CSNK1G2: variants seen among roughly 807,000 people sequenced by gnomAD.
CSNK1G2 encodes casein kinase I isoform gamma-2.
CSNK1G2 carries 11 observed loss-of-function variants against 48.0 expected under a neutral mutation model. The observed-to-expected ratio is 0.23, with a 90% CI of 0.14 to 0.38. The LOEUF (loss-of-function observed/expected upper bound fraction) is 0.38. Ranked by LOEUF, CSNK1G2 falls within the 10% of genes least tolerant of loss-of-function variation. The pLI, the probability that CSNK1G2 is intolerant of heterozygous loss-of-function variation, is 1.00. For synonymous variants in CSNK1G2, 337 were observed against 254.1 expected, an observed-to-expected ratio of 1.33 and a Z score of -3.10; for missense variants, 446 against 595.5, an observed-to-expected ratio of 0.75 and a Z score of 2.61.
At chr19:1,946,145 A>G (rs1485346123) in intron 1 of CSNK1G2, among the ~76,000 whole-genome samples, 1 of 152,044 alleles carries the variant, frequency 6.6e-6, no homozygotes, top group African/African-American at 2.4e-5. Context: ...AGGGGGAGCT[A>G]GCTGCCTCAC....
At chr19:1,959,471 A>C (rs987568221) in intron 1 of CSNK1G2, among the ~76,000 whole-genome samples, 2 of 148,272 alleles carry the variant, frequency 1.3e-5, no homozygotes, top group Admixed American at 6.7e-5. Flanking sequence ...AGCCCCCAGC[A>C]CCCGCCCCAC....
intron 2 of CSNK1G2, chr19:1,975,444 A>G: frequency 1.0e-6 from 1 of 985,472 alleles, no homozygotes; most frequent in Non-Finnish European, 1.2e-6. Context: ...TCCGCTCTGG[A>G]GAGTCAGAAC....
At chr19:1,965,093 A>T (rs2015323047) in intron 1 of CSNK1G2, among the ~76,000 whole-genome samples, 1 of 148,436 alleles carries the variant, frequency 6.7e-6, no homozygotes, top group African/African-American at 2.5e-5. Context: ...TCCCTAGTGG[A>T]GACGTACACG....
chr19:1,959,906 C>G (rs56224852), intron 1 of CSNK1G2, among the ~76,000 whole-genome samples: 32,381 of 112,430 alleles, frequency 0.29, 7,565 homozygotes, highest in East Asian at 0.45. Context: ...TTAGTGCCAC[C>G]CTGGGTCCCC....
Position 1,980,588 on chromosome 19 carries a change from G to T in CSNK1G2, c.*385G>T. On this transcript the variant is annotated 3_prime_UTR_variant, in exon 12 of 12. Coordinates refer to ENST00000255641, the MANE Select transcript of CSNK1G2 (RefSeq NM_001319.7). ...TGGCCCCGCCCCGCCAGCCGCCCCCGTTAGCGTCATAAAGTCCAGCTTGTC... is the reference window on the plus strand; with the variant it reads ...TGGCCCCGCCCCGCCAGCCGCCCCCTTTAGCGTCATAAAGTCCAGCTTGTC... 1 of 284,632 alleles carries T rather than the reference G, an allele frequency of 3.5e-6. No homozygotes were observed. Among genetic ancestry groups the T allele is most frequent in the Non-Finnish European group, 6.8e-6 (1 of 147,438 alleles). 17.6% of individuals were successfully genotyped at this position (284,632 alleles called of 1,614,324 possible).
In CSNK1G2 at chr19:1,978,603, G is replaced by A. The variant is rs1366671165; in HGVS notation, c.300G>A (p.Glu100=). 3.1e-6 allele frequency: 5 copies of A among 1,594,448 alleles called. No individual in the cohort carries two copies. Among genetic ancestry groups the A allele is most frequent in the Non-Finnish European group, 4.3e-6 (5 of 1,171,202 alleles). ...CCGTGCGTCTGTCCTCCGCCGCAGA[G>A]GGCGTCCCTCAGGTCTACTACTTCG... The part of the protein sequence containing the change: ...YRFYKQLSAT[E]GVPQVYYFGP... The change falls in exon 5 of 12, where the codon GAG becomes GAA. Residue 100 remains glutamate (E), a splice_region_variant and synonymous_variant. Coordinates refer to ENST00000255641, the MANE Select transcript of CSNK1G2 (RefSeq NM_001319.7). The surrounding 1 kb of genome is among the most constrained non-coding windows in gnomAD (Gnocchi z 7.3).
intron 2 of CSNK1G2, among the ~76,000 whole-genome samples, chr19:1,972,532 ATC>A (rs1341851691): frequency 6.6e-6 from 1 of 152,020 alleles, no homozygotes. Flanking sequence ...GACTTCTTGG[ATC>A]TCTGTGTTGG....
intron 2 of CSNK1G2, chr19:1,975,771 C>G (rs1852004175): frequency 1.0e-6 from 1 of 985,288 alleles, no homozygotes; most frequent in South Asian, 4.7e-5. Flanking sequence ...CACAGTGGCT[C>G]ACGCCTGTAA....
intron 2 of CSNK1G2, chr19:1,975,391 C>T (rs1311877167): frequency 4.1e-6 from 4 of 985,466 alleles, no homozygotes; most frequent in East Asian, 1.1e-4. Flanking sequence ...GAGAAGGGGA[C>T]GGCTGCCCGC....
intron 2 of CSNK1G2, among the ~76,000 whole-genome samples, chr19:1,971,879 C>G (rs904445005): frequency 6.6e-6 from 1 of 151,326 alleles, no homozygotes; most frequent in Non-Finnish European, 1.5e-5. Flanking sequence ...ACGCCATTCT[C>G]CTGCCTCAGC....
intron 1 of CSNK1G2, chr19:1,952,865 C>T (rs1471679082): frequency 4.8e-6 from 2 of 417,820 alleles, no homozygotes; most frequent in Non-Finnish European, 9.4e-6. Context: ...ACTCTGCAGC[C>T]CTCGTGGGGA....
chr19:1,979,895 C>G lies in CSNK1G2; in HGVS notation c.1087-16C>G. The G allele has an allele frequency of 1.9e-6, 3 of 1,607,000 alleles. No individual in the cohort carries two copies. Among genetic ancestry groups the G allele is most frequent in the Non-Finnish European group, 2.5e-6 (3 of 1,177,282 alleles). ...GGGCATGGGCGGCCAGCGTGACCCC[C>G]TACTGCCCCCACCAGGCGTTGAACT... On this transcript the variant is annotated splice_polypyrimidine_tract_variant and intron_variant, in intron 10 of 11. Coordinates refer to ENST00000255641, the MANE Select transcript of CSNK1G2 (RefSeq NM_001319.7).
At chr19:1,973,641 T>C (rs1175091908) in intron 2 of CSNK1G2, among the ~76,000 whole-genome samples, 1 of 152,252 alleles carries the variant, frequency 6.6e-6, no homozygotes, top group Non-Finnish European at 1.5e-5. Flanking sequence ...CTGCTGCTGC[T>C]GCTGCTTGAA....
At chr19:1,973,375 C>T (rs2015642324) in intron 2 of CSNK1G2, among the ~76,000 whole-genome samples, 1 of 152,170 alleles carries the variant, frequency 6.6e-6, no homozygotes, top group African/African-American at 2.4e-5. Context: ...TGCCTGCCAC[C>T]ACGCCCAGCT....
At chr19:1,944,143 G>A (rs1019575506) in intron 1 of CSNK1G2, among the ~76,000 whole-genome samples, 2 of 152,148 alleles carry the variant, frequency 1.3e-5, no homozygotes, top group East Asian at 1.9e-4. Context: ...GCTAGGGCTC[G>A]GTGGCCGTGC....
chr19:1,948,249 CGT>C lies in CSNK1G2; in HGVS notation c.-266+6833_-266+6834del, dbSNP rs796135820. ...CTTAAAATTAACGATCCCGGCCGGG[CGT>C]GGTGGCTCACGCCTGTAATCCCAGC... On this transcript the variant is annotated intron_variant, in intron 1 of 11. Coordinates refer to ENST00000255641, the MANE Select transcript of CSNK1G2 (RefSeq NM_001319.7). Among the ~76,000 whole-genome samples the C allele has an allele frequency of 4.6e-5, 7 of 152,312 alleles. 2 individuals carry two copies. Among genetic ancestry groups the C allele is most frequent in the African/African-American group, 1.7e-4 (7 of 41,570 alleles).
intron 1 of CSNK1G2, among the ~76,000 whole-genome samples, chr19:1,965,471 G>T (rs560059111): frequency 6.6e-6 from 1 of 151,856 alleles, no homozygotes. Context: ...TGAATGACTC[G>T]GAAATCAAGA....
intron 2 of CSNK1G2, 93 bp downstream of exon 2, chr19:1,970,052 C>A: frequency 9.2e-7 from 1 of 1,087,094 alleles, no homozygotes; most frequent in Non-Finnish European, 1.2e-6. Flanking sequence ...CCCGGGGTCA[C>A]TGGAGCCTCT....
intron 2 of CSNK1G2, chr19:1,975,863 C>T (rs1469670093): frequency 1.3e-6 from 1 of 792,108 alleles, no homozygotes; most frequent in African/African-American, 1.9e-5. Flanking sequence ...TGGAGAAAGC[C>T]CATCTCTAGT....
Sources: gnomAD v4.1 joint callset for allele counts (sites outside exome capture counted in the v4.1 genomes callset) on GRCh38, gnomAD v4.1.1 for gene constraint, Gnocchi (gnomAD v3.1) non-coding constraint, MANE v1.5 for transcripts, NCBI Gene and HGNC (gene_info 2026-07-23, HGNC 2026-07-21) for gene names.